The following CHODL variants were observed in gnomAD, a reference collection of about 807,000 sequenced individuals.
CHODL encodes chondrolectin.
Under a neutral mutation model 34.5 loss-of-function variants are expected in CHODL, and 29 were observed. The observed-to-expected ratio is 0.84, with a 90% CI of 0.63 to 1.15. CHODL has a LOEUF of 1.15. Among genes scored for constraint, CHODL ranks in the 50% most tolerant of loss-of-function variants. The pLI, the probability that CHODL is intolerant of heterozygous loss-of-function variation, is 0.00. For synonymous variants in CHODL, 125 were observed against 116.1 expected, an observed-to-expected ratio of 1.08 and a Z score of -0.49; for missense variants, 332 against 332.5, an observed-to-expected ratio of 1.00 and a Z score of 0.01.
intron 2 of CHODL, among the ~76,000 whole-genome samples, chr21:18,069,537 G>A (rs950587034): frequency 6.5e-5 from 8 of 123,832 alleles, no homozygotes; most frequent in Admixed American, 6.4e-4. Context: ...ATATATATGT[G>A]GAATATATAT....
chr21:18,087,548 T>C (rs564023081), intron 2 of CHODL, among the ~76,000 whole-genome samples: 3 of 151,906 alleles, frequency 2.0e-5, no homozygotes, highest in South Asian at 2.1e-4. Flanking sequence ...CCTAGATATA[T>C]GCATAGGAGA....
At chr21:18,014,618 C>G (rs2146417548) in intron 1 of CHODL, among the ~76,000 whole-genome samples, 1 of 152,250 alleles carries the variant, frequency 6.6e-6, no homozygotes, top group Middle Eastern at 3.4e-3. Flanking sequence ...GCTGTCCTTG[C>G]AATAGTGAGT....
At chr21:18,118,510 A>G (rs2824635) in intron 2 of CHODL, among the ~76,000 whole-genome samples, 48,410 of 152,056 alleles carry the variant, frequency 0.32, 8,972 homozygotes, top group East Asian at 0.7. Context: ...CTAATCATAA[A>G]TCACTCTTCC....
upstream of CHODL, among the ~76,000 whole-genome samples, chr21:18,243,388 G>A (rs567300254): frequency 6.6e-5 from 10 of 152,174 alleles, no homozygotes; most frequent in South Asian, 2.1e-4. Context: ...TCTGTTTCTC[G>A]TGAATAATTA....
At chr21:18,174,808 GGTTTTGCA>G (rs2073286514) in intron 2 of CHODL, among the ~76,000 whole-genome samples, 1 of 152,074 alleles carries the variant, frequency 6.6e-6, no homozygotes, top group South Asian at 2.1e-4. Context: ...TGTGCTTTGT[GGTTTTGCA>G]GATCAAACCA....
intron 2 of CHODL, among the ~76,000 whole-genome samples, chr21:18,106,397 T>G (rs948883888): frequency 6.6e-6 from 1 of 152,206 alleles, no homozygotes; most frequent in Non-Finnish European, 1.5e-5. Flanking sequence ...ACCAAATAGC[T>G]CAGTGGTCCT....
chr21:18,047,246 T>C (rs2064455298), intron 2 of CHODL, among the ~76,000 whole-genome samples: 1 of 151,898 alleles, frequency 6.6e-6, no homozygotes, highest in Admixed American at 6.6e-5. Context: ...TAATTGAATA[T>C]TGCCTAATTA....
intron 1 of CHODL, among the ~76,000 whole-genome samples, chr21:18,023,437 A>G (rs2064145882): frequency 2.0e-5 from 3 of 152,222 alleles, no homozygotes; most frequent in African/African-American, 7.2e-5. Flanking sequence ...CAGGGGTGGG[A>G]AAAGCGTGGG....
intron 2 of CHODL, among the ~76,000 whole-genome samples, chr21:18,118,213 A>AT (rs2146572309): frequency 6.6e-6 from 1 of 152,284 alleles, no homozygotes; most frequent in African/African-American, 2.4e-5. Context: ...CGCTCAGTAA[A>AT]TGTTTATTGA....
intron 1 of CHODL, among the ~76,000 whole-genome samples, chr21:18,245,538 C>A (rs947487586): frequency 6.6e-6 from 1 of 152,178 alleles, no homozygotes; most frequent in Non-Finnish European, 1.5e-5. Flanking sequence ...GCGGAGCGAG[C>A]CTCTGCTTCA....
chr21:18,106,182 CA>C (rs148684586), intron 2 of CHODL, among the ~76,000 whole-genome samples: 2,285 of 152,224 alleles, frequency 0.015, 51 homozygotes, highest in African/African-American at 0.05. Flanking sequence ...GGAACATTTC[CA>C]AGTCTGGCAA....
At chr21:18,254,675 G>A (rs561958321) in intron 1 of CHODL, among the ~76,000 whole-genome samples, 10 of 152,170 alleles carry the variant, frequency 6.6e-5, no homozygotes, top group East Asian at 1.9e-4. Context: ...CCTATACACC[G>A]TAATATCCTT....
chr21:18,121,792 A>T (rs1387139790), intron 2 of CHODL, among the ~76,000 whole-genome samples: 1 of 152,160 alleles, frequency 6.6e-6, no homozygotes, highest in Non-Finnish European at 1.5e-5. Flanking sequence ...AATTAGAATA[A>T]AATTCACTCC....
chr21:18,166,460 C>G (rs536403105), intron 2 of CHODL, among the ~76,000 whole-genome samples: 19 of 152,236 alleles, frequency 1.2e-4, no homozygotes, highest in Non-Finnish European at 2.4e-4. Context: ...TTTGACTACA[C>G]TCAAAGGGAG....
chr21:18,050,539 T>C (rs748976991), intron 2 of CHODL, among the ~76,000 whole-genome samples: 3 of 151,808 alleles, frequency 2.0e-5, no homozygotes, highest in East Asian at 2.0e-4. Context: ...ATGAGTGACA[T>C]AGATAAACGT....
At chr21:18,043,737 C>A (rs1320277627) in intron 2 of CHODL, among the ~76,000 whole-genome samples, 3 of 151,932 alleles carry the variant, frequency 2.0e-5, no homozygotes, top group Non-Finnish European at 4.4e-5. Flanking sequence ...CATTTTCACA[C>A]TGCTGATAAA....
Position 18,245,104 on chromosome 21 carries a change from G to A in CHODL, c.-120G>A. 2.4e-6 allele frequency: 2 copies of A among 843,642 alleles called. No individual in the cohort carries two copies. The highest frequency in any genetic ancestry group is 3.4e-5 in the East Asian group (1 of 29,758). The allele number at this position is 843,642 out of a possible 1,614,324, so 52.3% of individuals were successfully genotyped here. A position where few individuals can be genotyped will look rare whatever the true frequency, so the allele number is the denominator to read the frequency against. On this transcript the variant is annotated 5_prime_UTR_variant, in exon 1 of 6. Transcript: ENST00000299295. ...GCAGGGGGTCGGGCAGCTGGGCTCG[G>A]GCGGCGGGAGTAGGGCCCGGCAGGG...
chr21:18,005,780 A>G (rs572427787), intron 1 of CHODL, among the ~76,000 whole-genome samples: 2 of 152,266 alleles, frequency 1.3e-5, no homozygotes, highest in East Asian at 3.9e-4. Flanking sequence ...CTCCCGAACA[A>G]TGAGCACACA....
Position 18,221,386 on chromosome 21 carries a change from T to A in CHODL, c.-44-35123T>A, listed in dbSNP as rs1439349394. Among the ~76,000 whole-genome samples, 3 of 152,200 alleles carry A rather than the reference T, an allele frequency of 2.0e-5. No homozygotes were observed. In the South Asian group the frequency reaches 6.2e-4, roughly 31 times the overall value. On this transcript the variant is annotated intron_variant, in intron 2 of 6. Transcript: ENST00000400127. The stretch of plus-strand genomic sequence containing the variant: ...TTCCTTCTCAGGCATTTTATGGATT[T>A]CCTTTTCTTTAGGATTTCTTACTGA...
Sources: gnomAD v4.1 joint callset for allele counts (sites outside exome capture counted in the v4.1 genomes callset) on GRCh38, gnomAD v4.1.1 for gene constraint, MANE v1.5 for transcripts, NCBI Gene and HGNC (gene_info 2026-07-23, HGNC 2026-07-21) for gene names.